Variants in MTA3 observed in about 807,000 individuals in gnomAD.
MTA3 encodes the protein metastasis associated 1 family member 3, also known as metastasis-associated protein MTA3.
In MTA3, 34 loss-of-function variants were observed where a neutral mutation model predicts 83.5. That is an observed-to-expected ratio of 0.41 (90% confidence interval 0.31 to 0.54). The LOEUF is 0.54. Ranked by LOEUF, MTA3 falls within the 20% of genes least tolerant of loss-of-function variation. MTA3 has a pLI of 0.33. For synonymous variants in MTA3, 303 were observed against 252.7 expected (o/e 1.20, Z -1.89); for missense variants, 761 against 726.4 (o/e 1.05, Z -0.55).
chr2:42,750,509 G>T (rs112249644), intron 16 of MTA3, among the ~76,000 whole-genome samples: 1 of 152,058 alleles, frequency 6.6e-6, no homozygotes, highest in Admixed American at 6.6e-5. Context: ...AACCTGTAGT[G>T]CAGTTCACTG....
intron 2 of MTA3, among the ~76,000 whole-genome samples, chr2:42,504,493 G>C (rs182992401): frequency 1.3e-5 from 2 of 152,028 alleles, no homozygotes; most frequent in African/African-American, 4.8e-5. Context: ...CAGCTGCCTC[G>C]GCCTCCCAAA....
upstream of MTA3, chr2:42,568,631 C>CG (rs1378397607): frequency 1.7e-6 from 1 of 590,650 alleles, no homozygotes; most frequent in African/African-American, 2.0e-5. Flanking sequence ...CCTTCCCCCC[C>CG]GTGGCGAGGC....
chr2:42,648,423 G>A (rs964223186), intron 6 of MTA3, among the ~76,000 whole-genome samples: 30 of 152,202 alleles, frequency 2.0e-4, no homozygotes, highest in African/African-American at 6.3e-4. Flanking sequence ...GGCATGGAAT[G>A]TAGAACTGGA....
intron 3 of MTA3, among the ~76,000 whole-genome samples, chr2:42,588,134 TCTCA>T (rs1049445399): frequency 1.8e-4 from 27 of 152,284 alleles, no homozygotes; most frequent in African/African-American, 6.5e-4. Flanking sequence ...TGGGGCTTCC[TCTCA>T]CTCCAATTAG....
At chr2:42,555,291 C>T (rs1677323931) in intron 2 of MTA3, among the ~76,000 whole-genome samples, 1 of 148,634 alleles carries the variant, frequency 6.7e-6, no homozygotes, top group African/African-American at 2.5e-5. Context: ...GGAGAAACCC[C>T]ATCTCTGCTA....
At chr2:42,528,009 C>T (rs533486646) in intron 2 of MTA3, among the ~76,000 whole-genome samples, 3 of 152,248 alleles carry the variant, frequency 2.0e-5, no homozygotes, top group Non-Finnish European at 2.9e-5. Context: ...ACTGCAGTCT[C>T]CACCTCCCGG....
At chr2:42,524,870 C>T (rs1675610516) in intron 2 of MTA3, among the ~76,000 whole-genome samples, 1 of 24,542 alleles carries the variant, frequency 4.1e-5, no homozygotes, top group Non-Finnish European at 7.2e-5. Context: ...AGTAAGGCCA[C>T]CTTCCAGGCC....
chr2:42,533,866 A>G (rs1445648462), intron 2 of MTA3, among the ~76,000 whole-genome samples: 1 of 151,638 alleles, frequency 6.6e-6, no homozygotes, highest in Admixed American at 6.6e-5. Context: ...TAAAGAAACG[A>G]AAGAATGGCT....
intron 9 of MTA3, among the ~76,000 whole-genome samples, chr2:42,690,891 T>TATTG (rs1445306709): frequency 6.1e-5 from 8 of 131,526 alleles, no homozygotes; most frequent in Non-Finnish European, 1.1e-4. Flanking sequence ...TTTATTTATT[T>TATTG]ATTGAGACAA....
chr2:42,745,522 C>G (rs1199220088), intron 16 of MTA3, among the ~76,000 whole-genome samples: 1 of 152,150 alleles, frequency 6.6e-6, no homozygotes, highest in East Asian at 1.9e-4. Context: ...GAGACTTTCT[C>G]AACCTTTTTA....
At chr2:42,686,952 C>G (rs923813105) in intron 9 of MTA3, among the ~76,000 whole-genome samples, 1 of 147,052 alleles carries the variant, frequency 6.8e-6, no homozygotes, top group Non-Finnish European at 1.5e-5. Flanking sequence ...AACCCCATCT[C>G]TACAAAAAAA....
At position 42,711,197 on chromosome 2, in the gene MTA3, C is replaced by A. The variant is rs146981857; in HGVS notation, c.1525+2101C>A. ...CTTTGTCCTAGGACTAGAAGAGAAA[C>A]CATCAGCAACTCAGTTGGCTGCTGA... On this transcript the variant is annotated intron_variant, in intron 14 of 16. Coordinates refer to ENST00000405094, the MANE Select transcript of MTA3 (RefSeq NM_001330442.2). Among the ~76,000 whole-genome samples the A allele has an allele frequency of 3.8e-3, 581 of 152,294 alleles. 3 individuals carry two copies. Among genetic ancestry groups the A allele is most frequent in the African/African-American group, 0.012 (512 of 41,562 alleles).
At chr2:42,706,070 T>C (rs1666052661) in intron 12 of MTA3, among the ~76,000 whole-genome samples, 1 of 152,172 alleles carries the variant, frequency 6.6e-6, no homozygotes, top group Admixed American at 6.5e-5. Context: ...TCAAAATAGA[T>C]TCATAGCTTA....
rs868282937 is a variant in MTA3 at position 42,720,320 on chromosome 2, C to G, written c.1612+1246C>G. ...GCCTCAGCCTCCTGAGTAGGTGGGA[C>G]TACAGGCATCCGCCACCACGTCCAG... On this transcript the variant is annotated intron_variant, in intron 15 of 16. Coordinates refer to ENST00000405094, the MANE Select transcript of MTA3 (RefSeq NM_001330442.2). 2.6e-5 allele frequency among the ~76,000 whole-genome samples: 4 copies of G among 152,166 alleles called. No individual in the cohort carries two copies. In the Middle Eastern group the frequency reaches 0.01, roughly 388 times the overall value.
rs1430675726 is a variant in MTA3 at position 42,729,086 on chromosome 2, G to GTTTTTTGTTTTT, written c.1759+6057_1759+6058insGTTTTTTTTTTT. ...TTCTTTTATTAGTTTCACAGTTTGA[G>GTTTTTTGTTTTT]TTTTTTTTTTTTTTTTTTTTTTTTT... On this transcript the variant is annotated intron_variant, in intron 16 of 16. Transcript: ENST00000405094. Among the ~76,000 whole-genome samples the GTTTTTTGTTTTT allele has an allele frequency of 2.7e-4, 16 of 60,130 alleles. 4 individuals are homozygous for GTTTTTTGTTTTT. Among genetic ancestry groups the GTTTTTTGTTTTT allele is most frequent in the East Asian group, 7.5e-4 (1 of 1,330 alleles). 39.4% of individuals were successfully genotyped at this position (60,130 alleles called of 152,430 possible).
chr2:42,685,556 C>T (rs1692299693), intron 9 of MTA3, among the ~76,000 whole-genome samples: 1 of 152,214 alleles, frequency 6.6e-6, no homozygotes, highest in African/African-American at 2.4e-5. Context: ...AGTACGAAAT[C>T]CATCTCTCTT....
chr2:42,599,918 C>T (rs1682342585), intron 3 of MTA3, among the ~76,000 whole-genome samples: 1 of 151,954 alleles, frequency 6.6e-6, no homozygotes, highest in Admixed American at 6.6e-5. Context: ...GCTTATGGGC[C>T]AGGCATGGTG....
chr2:42,530,732 C>A (rs1393239850), intron 2 of MTA3, among the ~76,000 whole-genome samples: 1 of 151,826 alleles, frequency 6.6e-6, no homozygotes, highest in Non-Finnish European at 1.5e-5. Context: ...TTGCGGTGAG[C>A]CGAGATCACA....
intron 3 of MTA3, among the ~76,000 whole-genome samples, chr2:42,607,418 C>G (rs977039702): frequency 4.6e-5 from 7 of 152,166 alleles, no homozygotes; most frequent in South Asian, 2.1e-4. Context: ...CTTGCTGTAT[C>G]GCCCAGGCTG....
Sources: gnomAD v4.1 joint callset for allele counts (sites outside exome capture counted in the v4.1 genomes callset) on GRCh38, gnomAD v4.1.1 for gene constraint, MANE v1.5 for transcripts, NCBI Gene and HGNC (gene_info 2026-07-23, HGNC 2026-07-21) for gene names.